MINAR1: variants seen among roughly 807,000 people sequenced by gnomAD.
The protein encoded by MINAR1 is major intrinsically disordered Notch2-binding receptor 1.
A neutral mutation model predicts 65.1 loss-of-function variants in MINAR1; 40 were observed. That is an observed-to-expected ratio of 0.61 (90% CI 0.48 to 0.80). The LOEUF (loss-of-function observed/expected upper bound fraction) is 0.80. Ranked by LOEUF, MINAR1 falls within the 30% of genes least tolerant of loss-of-function variation. The pLI, the probability that MINAR1 is intolerant of heterozygous loss-of-function variation, is 0.00. For synonymous variants in MINAR1, 482 were observed against 449.1 expected (o/e 1.07, Z -0.93); for missense variants, 1,128 against 1,148.0 (o/e 0.98, Z 0.25).
Position 79,443,167 on chromosome 15 carries a change from C to T in MINAR1, c.-51+10627C>T, listed in dbSNP as rs566560571. On this transcript the variant is annotated intron_variant, in intron 1 of 3. Coordinates refer to ENST00000305428, the MANE Select transcript of MINAR1 (RefSeq NM_015206.3). ...TGCACTTAGAAACAGAGGGAACAAA[C>T]GGGCTGTGGGAGGCAGGCTTTGCTG... 4.6e-5 allele frequency among the ~76,000 whole-genome samples: 7 copies of T among 152,308 alleles called. No individual in the cohort carries two copies. The South Asian group carries it at 8.3e-4, about 18-fold the overall frequency.
chr15:79,441,399 C>T (rs1894864860), intron 1 of MINAR1, among the ~76,000 whole-genome samples: 2 of 152,110 alleles, frequency 1.3e-5, no homozygotes, highest in South Asian at 4.2e-4. Flanking sequence ...AAATGTATTT[C>T]TGCACCATGA....
Position 79,470,688 on chromosome 15 carries a change from G to A in MINAR1, c.*2304G>A, listed in dbSNP as rs920236591. On this transcript the variant is annotated 3_prime_UTR_variant, in exon 4 of 4. Coordinates refer to ENST00000305428, the MANE Select transcript of MINAR1 (RefSeq NM_015206.3). Reference sequence around the variant, plus strand: ...TATACTTTCCATAGCTGGAGAGGTAGTCAGAAATTCAGTCTTGCTCTGAGT... The same window carrying A: ...TATACTTTCCATAGCTGGAGAGGTAATCAGAAATTCAGTCTTGCTCTGAGT... 1 of 152,198 alleles carries A rather than the reference G, an allele frequency of 6.6e-6. No homozygotes were observed. The highest frequency in any genetic ancestry group is 1.5e-5 in the Non-Finnish European group (1 of 68,052). 9.4% of individuals were successfully genotyped at this position (152,198 alleles called of 1,614,324 possible).
intron 3 of MINAR1, among the ~76,000 whole-genome samples, chr15:79,464,541 A>C (rs1266973457): frequency 1.3e-5 from 2 of 152,250 alleles, no homozygotes; most frequent in East Asian, 3.8e-4. Flanking sequence ...TCTGGCAATA[A>C]GTCTCATGGT....
the MINAR1 span, chr15:79,415,190 A>G: frequency 6.6e-6 from 1 of 152,270 alleles, no homozygotes; most frequent in Non-Finnish European, 1.5e-5. Context: ...GTGGGAAAGC[A>G]CAGGGTGCTC....
the MINAR1 span, chr15:79,414,326 A>G: frequency 6.6e-6 from 1 of 152,236 alleles, no homozygotes; most frequent in Non-Finnish European, 1.5e-5. Flanking sequence ...AATTCCTCCT[A>G]CCAAGCAACC....
chr15:79,444,172 T>C (rs1413095071), intron 1 of MINAR1, among the ~76,000 whole-genome samples: 1 of 152,246 alleles, frequency 6.6e-6, no homozygotes, highest in Non-Finnish European at 1.5e-5. Flanking sequence ...AATTCAGCCA[T>C]AAAATTAGTA....
In MINAR1 at chr15:79,469,683, CCTGCTGAATGGTG is replaced by C. The variant is rs1896005168; in HGVS notation, c.*1302_*1314del. 6.5e-6 allele frequency: 1 copy of C among 152,702 alleles called. No individual in the cohort carries two copies. Among genetic ancestry groups the C allele is most frequent in the Non-Finnish European group, 1.5e-5 (1 of 68,020 alleles). 9.5% of individuals were successfully genotyped at this position (152,702 alleles called of 1,614,324 possible). Reference sequence around the variant, plus strand: ...TTCATCCAAATTTGATCTGTTTCCACCTGCTGAATGGTGCTCTGACAATAATGGAACAGAAAGA... The same window carrying C: ...TTCATCCAAATTTGATCTGTTTCCACCTCTGACAATAATGGAACAGAAAGA... On this transcript the variant is annotated 3_prime_UTR_variant, in exon 4 of 4. Transcript: ENST00000305428.
Position 79,471,769 on chromosome 15 carries a change from TTTG to T in MINAR1, c.*3388_*3390del, listed in dbSNP as rs1896094630. ...AGAAGCTCTGCCAACAATAAAAGAT[TTTG>T]TTAAGTGGTATAAAAATTTGTGAAT... is the stretch of plus-strand genomic sequence containing the variant. On this transcript the variant is annotated 3_prime_UTR_variant, in exon 4 of 4. Transcript: ENST00000305428. The T allele has an allele frequency of 6.6e-6, 1 of 152,560 alleles. No homozygotes were observed. Among genetic ancestry groups the T allele is most frequent in the African/African-American group, 2.4e-5 (1 of 41,436 alleles). The allele number at this position is 152,560 out of a possible 1,614,324, so 9.5% of individuals were successfully genotyped here. A position where few individuals can be genotyped will look rare whatever the true frequency, so the allele number is the denominator to read the frequency against.
At chr15:79,441,395 AT>A (rs1309441045) in intron 1 of MINAR1, among the ~76,000 whole-genome samples, 2 of 152,194 alleles carry the variant, frequency 1.3e-5, no homozygotes, top group African/African-American at 2.4e-5. Context: ...CAATAAATGT[AT>A]TTCTGCACCA....
intron 3 of MINAR1, among the ~76,000 whole-genome samples, chr15:79,465,737 C>CT (rs1259648644): frequency 6.6e-6 from 1 of 152,002 alleles, no homozygotes; most frequent in Admixed American, 6.6e-5. Context: ...TGTGCTGAGC[C>CT]TGACTTCCAG....
intron 2 of MINAR1, among the ~76,000 whole-genome samples, chr15:79,459,576 C>T (rs1264278938): frequency 1.3e-5 from 2 of 152,126 alleles, no homozygotes; most frequent in African/African-American, 4.8e-5. Flanking sequence ...CTCCTGAGGT[C>T]TCCAAGGTCT....
At chr15:79,443,612 CACA>C (rs149866835) in intron 1 of MINAR1, among the ~76,000 whole-genome samples, 1 of 152,284 alleles carries the variant, frequency 6.6e-6, no homozygotes, top group East Asian at 1.9e-4. Context: ...TAGATCCATT[CACA>C]ACTTTTTCCA....
intron 1 of MINAR1, among the ~76,000 whole-genome samples, chr15:79,444,338 T>C (rs1445871645): frequency 6.6e-6 from 1 of 152,196 alleles, no homozygotes; most frequent in Non-Finnish European, 1.5e-5. Flanking sequence ...TTTCTTTTTT[T>C]CTTTATCATT....
upstream of MINAR1, among the ~76,000 whole-genome samples, chr15:79,431,055 C>G (rs952975607): frequency 6.6e-6 from 1 of 152,108 alleles, no homozygotes; most frequent in Admixed American, 6.5e-5. Flanking sequence ...GCCTTTGCTC[C>G]GATCACAGGT....
chr15:79,448,093 T>C (rs1372645434), intron 1 of MINAR1, among the ~76,000 whole-genome samples: 1 of 152,246 alleles, frequency 6.6e-6, no homozygotes, highest in Non-Finnish European at 1.5e-5. Context: ...TAGCTTGCTC[T>C]CGCAAGTTTA....
chr15:79,433,226 C>T (rs1025555694), intron 1 of MINAR1, among the ~76,000 whole-genome samples: 1 of 152,046 alleles, frequency 6.6e-6, no homozygotes, highest in Admixed American at 6.5e-5. Context: ...CTACCGAATC[C>T]ATCAGAGTAG....
chr15:79,434,987 G>T (rs7180551), intron 1 of MINAR1, among the ~76,000 whole-genome samples: 129,054 of 152,290 alleles, frequency 0.85, 54,894 homozygotes, highest in African/African-American at 0.91. Flanking sequence ...TTTATAAAAG[G>T]TAAGTGGCCG....
chr15:79,461,739 G>T (rs1260080532), intron 2 of MINAR1, among the ~76,000 whole-genome samples: 1 of 152,158 alleles, frequency 6.6e-6, no homozygotes, highest in African/African-American at 2.4e-5. Context: ...CAGTCCCCAT[G>T]CAGGTGTAGG....
Position 79,456,468 on chromosome 15 carries a change from G to C in MINAR1, c.321G>C (p.Thr107=), listed in dbSNP as rs749493600. Residue 107 remains threonine (T), a synonymous_variant, in exon 2 of 4, where the codon ACG becomes ACC. Coordinates refer to ENST00000305428, the MANE Select transcript of MINAR1 (RefSeq NM_015206.3). The stretch of plus-strand genomic sequence containing the variant: ...GGGCTGCCAAGGAGAAGCTGCCCAC[G>C]GGCCGCCAGAAGGTACGCAAGAAGG... ...NGGAAKEKLP[T]GRQKVRKKEA... 2 of 1,613,932 alleles carry C rather than the reference G, an allele frequency of 1.2e-6. No individual in the cohort carries two copies. The highest frequency in any genetic ancestry group is 1.3e-5 in the African/African-American group (1 of 74,922).
Sources: gnomAD v4.1 joint callset for allele counts (sites outside exome capture counted in the v4.1 genomes callset) on GRCh38, gnomAD v4.1.1 for gene constraint, MANE v1.5 for transcripts, NCBI Gene and HGNC (gene_info 2026-07-23, HGNC 2026-07-21) for gene names.